The following UBXN2B variants were observed in gnomAD, a reference collection of about 807,000 sequenced individuals.
UBXN2B encodes the protein UBX domain protein 2B.
Under a neutral mutation model 37.5 loss-of-function variants are expected in UBXN2B, and 19 were observed. The observed-to-expected ratio is 0.51, with a 90% CI of 0.35 to 0.74. The LOEUF is 0.74. UBXN2B is among the 30% of genes least tolerant of loss of function. UBXN2B has a pLI of 0.01. For missense variants in UBXN2B, 370 were observed against 393.2 expected (o/e 0.94, Z 0.50); for synonymous variants, 145 against 143.8 (o/e 1.01, Z -0.06).
Position 58,434,485 on chromosome 8 carries a change from C to G in UBXN2B, c.514C>G (p.Leu172Val). Reference protein sequence around the residue: ...PYNEPTNAQFLESVKRGEIPL... With the variant: ...PYNEPTNAQFVESVKRGEIPL... ...CAATGAACCAACAAATGCTCAATTTCTGGAGTCTGTTAAGAGAGGGTAAGA... is the reference window on the plus strand; with the variant it reads ...CAATGAACCAACAAATGCTCAATTTGTGGAGTCTGTTAAGAGAGGGTAAGA... The change falls in exon 5 of 8, where the codon CTG becomes GTG. Residue 172 changes from leucine (L) to valine (V), a missense_variant. Leu to Val is a conservative substitution (Grantham distance 32, BLOSUM62 1). Transcript: ENST00000399598. The G allele has an allele frequency of 6.4e-7, 1 of 1,554,842 alleles. No homozygotes were observed. The highest frequency in any genetic ancestry group is 1.2e-5 in the South Asian group (1 of 80,262).
chr8:58,411,421 G>T lies in UBXN2B; in HGVS notation c.36G>T (p.Gln12His). The change falls in exon 1 of 8, where the codon CAG (glutamine) becomes CAT (histidine). Residue 12 changes from glutamine to histidine, a missense_variant. Gln to His is a conservative substitution (Grantham distance 24, BLOSUM62 0). Around this residue, in one of 3 missense-constraint regions of UBXN2B, gnomAD observed 197 missense variants for 170.2 expected, o/e 1.16. Transcript: ENST00000399598. ...AEGGGPEPGE[Q>H]ERRSSGPRPP... is the part of the protein sequence containing the mutation. Reference sequence around the variant, plus strand: ...GCGGAGGCCCTGAGCCCGGCGAGCAGGAGAGGAGGTCTTCCGGGCCGCGGC... The same window carrying T: ...GCGGAGGCCCTGAGCCCGGCGAGCATGAGAGGAGGTCTTCCGGGCCGCGGC... 1 of 1,268,830 alleles carries T rather than the reference G, an allele frequency of 7.9e-7. No homozygotes were observed. 78.6% of individuals were successfully genotyped at this position (1,268,830 alleles called of 1,614,324 possible).
At chr8:58,439,919 T>C in intron 6 of UBXN2B, 149 bp downstream of exon 6, 1 of 629,786 alleles carries the variant, frequency 1.6e-6, no homozygotes, top group Non-Finnish European at 2.5e-6. Flanking sequence ...ATCATAATAT[T>C]ATATCATGTG....
At chr8:58,417,620 C>T (rs914338182) in intron 2 of UBXN2B, among the ~76,000 whole-genome samples, 2 of 152,174 alleles carry the variant, frequency 1.3e-5, no homozygotes, top group Non-Finnish European at 2.9e-5. Context: ...TTTTCATTAA[C>T]ATCTTTTTAG....
intron 2 of UBXN2B, among the ~76,000 whole-genome samples, chr8:58,418,155 C>T (rs1383465223): frequency 2.7e-5 from 4 of 149,426 alleles, no homozygotes; most frequent in East Asian, 2.0e-4. Flanking sequence ...GCACAAGAAT[C>T]GCCTGATCTT....
At position 58,433,146 on chromosome 8, in the gene UBXN2B, G is replaced by C. The variant is rs16923472; in HGVS notation, c.340-14G>C. On this transcript the variant is annotated splice_polypyrimidine_tract_variant and intron_variant, in intron 3 of 7. Transcript: ENST00000399598. ...ATCCTTTGTGAATTTTAACTCACTTGCTATGTATTTTAGTCATTTACAGGT... is the reference window on the plus strand; with the variant it reads ...ATCCTTTGTGAATTTTAACTCACTTCCTATGTATTTTAGTCATTTACAGGT... 0.19 allele frequency: 300,911 copies of C among 1,583,768 alleles called. 29,272 individuals carry two copies. The highest frequency in any genetic ancestry group is 0.24 in the African/African-American group (17,590 of 74,138).
intron 2 of UBXN2B, among the ~76,000 whole-genome samples, chr8:58,423,592 C>T (rs1270718497): frequency 3.7e-4 from 56 of 151,882 alleles, no homozygotes; most frequent in African/African-American, 1.1e-3. Context: ...CCCGCCACCA[C>T]GCCCTGCTAA....
chr8:58,424,737 A>G, intron 2 of UBXN2B: 1 of 1,400,598 alleles, frequency 7.1e-7, no homozygotes, highest in Non-Finnish European at 1.0e-6. Flanking sequence ...GAGAATACTT[A>G]ATATTTGTAT....
chr8:58,426,180 A>G, intron 2 of UBXN2B: 1 of 744,800 alleles, frequency 1.3e-6, no homozygotes, highest in Admixed American at 2.0e-5. Flanking sequence ...CACAGATCAC[A>G]GTAATCACCA....
Position 58,448,811 on chromosome 8 carries a change from T to G in UBXN2B, c.*1260T>G, listed in dbSNP as rs1808743312. On this transcript the variant is annotated 3_prime_UTR_variant, in exon 8 of 8. Transcript: ENST00000399598. ...ATCCTTAATTATTACTTCTGGTTAG[T>G]TTTCCATTGCCACCATAACAAGTTA... is the stretch of plus-strand genomic sequence containing the variant. The G allele has an allele frequency of 6.6e-6, 1 of 152,580 alleles. No individual in the cohort carries two copies. The highest frequency in any genetic ancestry group is 2.4e-5 in the African/African-American group (1 of 41,454). 9.5% of individuals were successfully genotyped at this position (152,580 alleles called of 1,614,324 possible).
At chr8:58,417,685 T>A (rs753099064) in intron 2 of UBXN2B, among the ~76,000 whole-genome samples, 1 of 152,222 alleles carries the variant, frequency 6.6e-6, no homozygotes, top group Non-Finnish European at 1.5e-5. Context: ...TATATCTTAT[T>A]CTCAGAAAGT....
intron 2 of UBXN2B, among the ~76,000 whole-genome samples, chr8:58,427,323 C>T (rs977967759): frequency 3.3e-5 from 5 of 152,194 alleles, no homozygotes; most frequent in East Asian, 3.9e-4. Context: ...AATAGCCAAG[C>T]GTGGTGGTGC....
chr8:58,441,365 A>ATATGTATGTGTATATATATG (rs1808544748), intron 6 of UBXN2B, among the ~76,000 whole-genome samples: 1 of 145,592 alleles, frequency 6.9e-6, no homozygotes, highest in Non-Finnish European at 1.5e-5. Flanking sequence ...ATATATATAT[A>ATATGTATGTGTATATATATG]TATGTATGTG....
chr8:58,434,806 T>C, intron 5 of UBXN2B: 2 of 1,532,144 alleles, frequency 1.3e-6, no homozygotes, highest in Non-Finnish European at 1.7e-6. Context: ...AGTGAATTAA[T>C]TAGTATGTAG....
intron 5 of UBXN2B, among the ~76,000 whole-genome samples, chr8:58,438,753 G>C (rs2129604468): frequency 1.3e-5 from 2 of 152,234 alleles, no homozygotes; most frequent in East Asian, 3.9e-4. Flanking sequence ...AAAACTTTGG[G>C]GGACTATTGA....
intron 2 of UBXN2B, among the ~76,000 whole-genome samples, chr8:58,421,552 T>C (rs1807924723): frequency 1.3e-5 from 2 of 152,118 alleles, no homozygotes; most frequent in South Asian, 4.1e-4. Context: ...CATACCAACT[T>C]TCCAAATAAC....
intron 2 of UBXN2B, among the ~76,000 whole-genome samples, chr8:58,428,749 A>G (rs553671990): frequency 6.6e-5 from 10 of 152,350 alleles, no homozygotes; most frequent in African/African-American, 1.4e-4. Flanking sequence ...GCATGCAAAG[A>G]CTTATTGTAA....
intron 5 of UBXN2B, among the ~76,000 whole-genome samples, chr8:58,436,312 T>C (rs1808410208): frequency 6.6e-6 from 1 of 152,232 alleles, no homozygotes; most frequent in African/African-American, 2.4e-5. Flanking sequence ...AGTATATTAA[T>C]ACAATAGCCT....
At position 58,416,842 on chromosome 8, in the gene UBXN2B, T is replaced by C. The variant is rs541368954; in HGVS notation, c.85-8T>C. 5 of 1,609,086 alleles carry C rather than the reference T, an allele frequency of 3.1e-6. No homozygotes were observed. In the South Asian group the frequency reaches 3.3e-5, roughly 11 times the overall value. On this transcript the variant is annotated splice_region_variant and splice_polypyrimidine_tract_variant and intron_variant, in intron 1 of 7. Transcript: ENST00000399598. ...GTTATACTTTGTAACAAGCCTGTTA[T>C]TATGTAGTTGGCCTTGGCAGAATTG...
intron 2 of UBXN2B, among the ~76,000 whole-genome samples, chr8:58,417,437 T>A (rs1401120941): frequency 6.6e-6 from 1 of 152,206 alleles, no homozygotes; most frequent in Admixed American, 6.5e-5. Context: ...AATCTATGAT[T>A]TTTGAAGTCT....
Sources: allele counts gnomAD v4.1 joint callset (sites outside exome capture counted in the v4.1 genomes callset), GRCh38; gene constraint gnomAD v4.1.1; regional missense constraint gnomAD v4.1.1; transcripts MANE v1.5; gene names NCBI Gene and HGNC (gene_info 2026-07-23, HGNC 2026-07-21).